Variants in LINGO2 observed in about 807,000 individuals in gnomAD.
LINGO2 encodes leucine rich repeat and Ig domain containing 2, also known as leucine-rich repeat and immunoglobulin-like domain-containing nogo receptor-interacting protein 2.
Under a neutral mutation model 30.6 loss-of-function variants are expected in LINGO2, and 14 were observed. The observed-to-expected ratio is 0.46, with a 90% CI of 0.30 to 0.72. The LOEUF (loss-of-function observed/expected upper bound fraction) is 0.72. Among genes scored for constraint, LINGO2 ranks in the 30% least tolerant of loss-of-function variants. The pLI is 0.07. For synonymous variants in LINGO2, 317 were observed against 288.5 expected (o/e 1.10, Z -1.00); for missense variants, 729 against 751.7 (o/e 0.97, Z 0.35).
intron 4 of LINGO2, among the ~76,000 whole-genome samples, chr9:28,174,777 T>C (rs1033095184): frequency 7.2e-5 from 11 of 152,070 alleles, no homozygotes; most frequent in African/African-American, 1.4e-4. Flanking sequence ...ATACATCGAA[T>C]CCAGTGCCTG....
At chr9:28,918,933 A>T in the LINGO2 span, among the ~76,000 whole-genome samples, 1 of 152,228 alleles carries the variant, frequency 6.6e-6, no homozygotes, top group African/African-American at 2.4e-5. Context: ...AGACTAAGCT[A>T]AGGAGAAAAT....
At chr9:28,037,029 CTG>C (rs977606387) in intron 4 of LINGO2, among the ~76,000 whole-genome samples, 8 of 152,204 alleles carry the variant, frequency 5.3e-5, no homozygotes, top group Non-Finnish European at 1.2e-4. Flanking sequence ...CTTGATGTAT[CTG>C]TGTATTATTC....
the LINGO2 span, among the ~76,000 whole-genome samples, chr9:29,014,857 T>C: frequency 6.6e-6 from 1 of 152,134 alleles, no homozygotes; most frequent in African/African-American, 2.4e-5. Flanking sequence ...AATTCTCTTT[T>C]TATGTTGTTT....
chr9:28,345,140 T>G (rs886893089), intron 3 of LINGO2, among the ~76,000 whole-genome samples: 2 of 151,916 alleles, frequency 1.3e-5, no homozygotes, highest in East Asian at 3.9e-4. Context: ...GAATAGGGAA[T>G]GAGGGTGGCT....
chr9:29,111,526 A>G, the LINGO2 span, among the ~76,000 whole-genome samples: 1 of 151,930 alleles, frequency 6.6e-6, no homozygotes, highest in African/African-American at 2.4e-5. Context: ...CATATGTGTA[A>G]TTCAGAAAGC....
At chr9:28,469,704 A>T (rs1358356105) in intron 2 of LINGO2, among the ~76,000 whole-genome samples, 1 of 152,206 alleles carries the variant, frequency 6.6e-6, no homozygotes, top group Non-Finnish European at 1.5e-5. Context: ...CTGTCAATCT[A>T]GAATCTTATA....
rs560257128 is a variant in LINGO2, at chr9:28,251,198, T to C, written c.-87+44010A>G. Among the ~76,000 whole-genome samples, 13 of 152,266 alleles carry C rather than the reference T, an allele frequency of 8.5e-5. 1 individual carries two copies. In the South Asian group the frequency reaches 2.5e-3, roughly 29 times the overall value. On this transcript the variant is annotated intron_variant, in intron 4 of 5. Transcript: ENST00000379992. The stretch of plus-strand genomic sequence containing the variant: ...GATGAATATAAATCTTTCTGAAAGC[T>C]AAATAGGCCTCAGGTCAGTTTTTAA...
intron 1 of LINGO2, among the ~76,000 whole-genome samples, chr9:28,624,141 C>G (rs1826541796): frequency 6.6e-6 from 1 of 152,012 alleles, no homozygotes; most frequent in African/African-American, 2.4e-5. Flanking sequence ...TGACTTCTCC[C>G]TTTCCAATTT....
intron 5 of LINGO2, among the ~76,000 whole-genome samples, chr9:27,991,566 G>C (rs112445742): frequency 0.012 from 1,773 of 152,104 alleles, 33 homozygotes; most frequent in African/African-American, 0.04. Flanking sequence ...GGAGGTGGTT[G>C]CCCCCAAAAA....
chr9:28,871,763 C>T, the LINGO2 span, among the ~76,000 whole-genome samples: 1 of 151,764 alleles, frequency 6.6e-6, no homozygotes, highest in African/African-American at 2.4e-5. Flanking sequence ...GGTTCAAATC[C>T]CAGTTCTGAT....
the LINGO2 span, among the ~76,000 whole-genome samples, chr9:28,891,590 G>C: frequency 2.0e-5 from 3 of 151,836 alleles, no homozygotes; most frequent in African/African-American, 7.2e-5. Flanking sequence ...GGTGAGTATA[G>C]ATGCTATTTC....
chr9:28,323,089 G>A (rs1366717174), intron 3 of LINGO2, among the ~76,000 whole-genome samples: 2 of 152,082 alleles, frequency 1.3e-5, no homozygotes, highest in Admixed American at 6.6e-5. Flanking sequence ...AAAATCTGGT[G>A]TATAAAAATA....
the LINGO2 span, among the ~76,000 whole-genome samples, chr9:29,156,640 GAA>G: frequency 6.6e-6 from 1 of 152,014 alleles, no homozygotes; most frequent in East Asian, 1.9e-4. Flanking sequence ...TGAAGTACAT[GAA>G]AAAGTTATTT....
intron 1 of LINGO2, among the ~76,000 whole-genome samples, chr9:28,555,576 G>A (rs1398140433): frequency 2.6e-5 from 4 of 152,026 alleles, no homozygotes; most frequent in East Asian, 1.9e-4. Flanking sequence ...GTACAAGGAG[G>A]AACTGGTACC....
At chr9:28,300,531 T>A (rs993020968) in intron 3 of LINGO2, among the ~76,000 whole-genome samples, 10 of 152,144 alleles carry the variant, frequency 6.6e-5, no homozygotes, top group African/African-American at 2.4e-4. Flanking sequence ...AAATGAGGCA[T>A]CCATTTGTCA....
intron 1 of LINGO2, among the ~76,000 whole-genome samples, chr9:28,561,365 C>G (rs1027125663): frequency 2.0e-4 from 30 of 151,796 alleles, no homozygotes; most frequent in African/African-American, 7.2e-4. Flanking sequence ...ACCTGAGTAT[C>G]ATAGGGAATC....
At chr9:28,121,338 C>G (rs1427541685) in intron 4 of LINGO2, among the ~76,000 whole-genome samples, 1 of 152,114 alleles carries the variant, frequency 6.6e-6, no homozygotes, top group Admixed American at 6.6e-5. Context: ...GGTGGTTTTA[C>G]TTTACCTATG....
chr9:28,462,632 C>T (rs182430889), intron 2 of LINGO2, among the ~76,000 whole-genome samples: 1 of 151,990 alleles, frequency 6.6e-6, no homozygotes, highest in East Asian at 1.9e-4. Context: ...TTAGTTTGTG[C>T]TATTATTTAT....
chr9:29,049,904 G>C, the LINGO2 span, among the ~76,000 whole-genome samples: 2 of 152,164 alleles, frequency 1.3e-5, no homozygotes, highest in African/African-American at 4.8e-5. Context: ...GTTGGCTATA[G>C]TCAATAATAA....
Sources: gnomAD v4.1 joint callset for allele counts (sites outside exome capture counted in the v4.1 genomes callset) on GRCh38, gnomAD v4.1.1 for gene constraint, MANE v1.5 for transcripts, NCBI Gene and HGNC (gene_info 2026-07-23, HGNC 2026-07-21) for gene names.